The following PRKAG2 variants were observed in gnomAD, a reference collection of about 807,000 sequenced individuals.
The protein encoded by PRKAG2 is protein kinase AMP-activated non-catalytic subunit gamma 2, also known as 5'-AMP-activated protein kinase subunit gamma-2.
Under a neutral mutation model 69.6 loss-of-function variants are expected in PRKAG2, and 26 were observed. That is an observed-to-expected ratio of 0.37 (90% CI 0.27 to 0.52). The LOEUF (loss-of-function observed/expected upper bound fraction) is 0.52, where lower values mean the gene tolerates loss of function less well. Among genes scored for constraint, PRKAG2 ranks in the 20% least tolerant of loss-of-function variants. The pLI is 0.90. For missense variants in PRKAG2, 557 were observed against 740.0 expected (o/e 0.75, Z 2.87); for synonymous variants, 293 against 285.0 (o/e 1.03, Z -0.28).
At chr7:151,741,777 C>T (rs1314894240) in intron 3 of PRKAG2, among the ~76,000 whole-genome samples, 3 of 152,090 alleles carry the variant, frequency 2.0e-5, no homozygotes, top group Non-Finnish European at 4.4e-5. Context: ...CTGACGTTTC[C>T]GTGCTTGAGT....
intron 3 of PRKAG2, among the ~76,000 whole-genome samples, chr7:151,733,390 G>A (rs1799267860): frequency 1.3e-5 from 2 of 152,206 alleles, no homozygotes; most frequent in Non-Finnish European, 2.9e-5. Context: ...ACAAAACTTG[G>A]TTGAGATGTA....
intron 1 of PRKAG2, among the ~76,000 whole-genome samples, chr7:151,797,060 C>T (rs141203544): frequency 0.01 from 1,554 of 152,294 alleles, 20 homozygotes; most frequent in Admixed American, 0.022. Flanking sequence ...ACACCCGGCC[C>T]GGCCAGCCAG....
intron 1 of PRKAG2, among the ~76,000 whole-genome samples, chr7:151,862,793 G>C (rs1231098704): frequency 6.6e-6 from 1 of 152,126 alleles, no homozygotes; most frequent in Non-Finnish European, 1.5e-5. Flanking sequence ...GGGGGCACTG[G>C]TAGGTCCCTG....
chr7:151,843,821 C>T (rs571651551), intron 1 of PRKAG2, among the ~76,000 whole-genome samples: 1 of 152,224 alleles, frequency 6.6e-6, no homozygotes, highest in Non-Finnish European at 1.5e-5. Flanking sequence ...TGGTTAAGAT[C>T]GGATAGAAAT....
intron 5 of PRKAG2, among the ~76,000 whole-genome samples, chr7:151,616,152 G>C (rs1433932138): frequency 6.6e-6 from 1 of 152,228 alleles, no homozygotes; most frequent in African/African-American, 2.4e-5. Flanking sequence ...GAATGCATGT[G>C]TGCCTTGGAG....
chr7:151,715,344 AAAAATT>A lies in PRKAG2; in HGVS notation c.467-39713_467-39708del, dbSNP rs1796006000. ...AAGCAAAAAAAAAAAAAAAAAAAAA[AAAAATT>A]ATTATTATTTTTTTTGAGACAGAGT... On this transcript the variant is annotated intron_variant, in intron 3 of 15. Coordinates refer to ENST00000287878, the MANE Select transcript of PRKAG2 (RefSeq NM_016203.4). 7.5e-5 allele frequency among the ~76,000 whole-genome samples: 11 copies of A among 147,166 alleles called. No homozygotes were observed. The South Asian group carries it at 2.4e-3, about 32-fold the overall frequency.
chr7:151,676,682 A>G (rs1455601592), intron 3 of PRKAG2, among the ~76,000 whole-genome samples: 1 of 152,196 alleles, frequency 6.6e-6, no homozygotes, highest in Non-Finnish European at 1.5e-5. Context: ...GCTCGTCAAG[A>G]AGAGGTTAAA....
At chr7:151,840,722 T>C (rs188561980) in intron 1 of PRKAG2, among the ~76,000 whole-genome samples, 46 of 152,324 alleles carry the variant, frequency 3.0e-4, no homozygotes, top group Middle Eastern at 3.4e-3. Context: ...TCCAGCAGGG[T>C]GCACAGGGGC....
intron 4 of PRKAG2, among the ~76,000 whole-genome samples, chr7:151,643,219 T>C (rs1827038473): frequency 6.6e-6 from 1 of 152,216 alleles, no homozygotes; most frequent in African/African-American, 2.4e-5. Context: ...AGTATTGTCT[T>C]ATAATACATT....
intron 1 of PRKAG2, among the ~76,000 whole-genome samples, chr7:151,793,152 C>G (rs2077343997): frequency 6.6e-6 from 1 of 152,220 alleles, no homozygotes. Context: ...CCATTAGACT[C>G]AGAATAAGAT....
chr7:151,821,772 T>C (rs2078788546), intron 1 of PRKAG2, among the ~76,000 whole-genome samples: 1 of 152,208 alleles, frequency 6.6e-6, no homozygotes, highest in African/African-American at 2.4e-5. Context: ...CAGCTTTGCT[T>C]TGCCAGTGCT....
At chr7:151,652,445 T>C (rs1440407355) in intron 4 of PRKAG2, among the ~76,000 whole-genome samples, 5 of 152,234 alleles carry the variant, frequency 3.3e-5, no homozygotes, top group African/African-American at 9.6e-5. Context: ...TAATATGTAA[T>C]GAGTTTATTA....
At chr7:151,693,193 C>A (rs1860744) in intron 3 of PRKAG2, among the ~76,000 whole-genome samples, 1 of 152,052 alleles carries the variant, frequency 6.6e-6, no homozygotes, top group Non-Finnish European at 1.5e-5. Context: ...TTCTCTACAG[C>A]GGCTCTTGGC....
intron 3 of PRKAG2, among the ~76,000 whole-genome samples, chr7:151,773,091 G>GAGGGA (rs1563640774): frequency 1.1e-4 from 8 of 70,124 alleles, no homozygotes; most frequent in African/African-American, 2.0e-4. Flanking sequence ...GGGAGGGAGG[G>GAGGGA]AGGGAAGGGA....
intron 1 of PRKAG2, among the ~76,000 whole-genome samples, chr7:151,818,659 T>C (rs1175483432): frequency 1.3e-5 from 2 of 152,334 alleles, no homozygotes; most frequent in Non-Finnish European, 2.9e-5. Flanking sequence ...TCCTGCAAGA[T>C]CTGTGCAGGG....
Position 151,574,942 on chromosome 7 carries a change from T to C in PRKAG2, c.954A>G (p.Leu318=). The C allele has an allele frequency of 1.9e-6, 3 of 1,612,350 alleles. No individual in the cohort carries two copies. Among genetic ancestry groups the C allele is most frequent in the South Asian group, 1.1e-5 (1 of 90,532 alleles). The part of the protein sequence containing the change: ...ESKKQSFVGM[L]TITDFINILH... ...GTATATTTATGAAATCTGTAATTGTTAGCATTCCTGGAACAAAGAATTACA... is the reference window on the plus strand; with the variant it reads ...GTATATTTATGAAATCTGTAATTGTCAGCATTCCTGGAACAAAGAATTACA... The change falls in exon 8 of 16, where the codon CTA becomes CTG. Residue 318 remains leucine (L), a synonymous_variant. Coordinates refer to ENST00000287878, the MANE Select transcript of PRKAG2 (RefSeq NM_016203.4).
rs114123226 is a variant in PRKAG2 at position 151,713,271 on chromosome 7, C to T, written c.467-37634G>A. On this transcript the variant is annotated intron_variant, in intron 3 of 15. Transcript: ENST00000287878. ...CCCTCACACTGTCTTCTGGGAATGG[C>T]GAGAATTGTGGACTTTGTTTCCTTT... 9.2e-3 allele frequency among the ~76,000 whole-genome samples: 1,400 copies of T among 152,208 alleles called. 21 individuals carry two copies. Among genetic ancestry groups the T allele is most frequent in the African/African-American group, 0.032 (1,347 of 41,502 alleles).
At chr7:151,759,039 C>G (rs756553687) in intron 3 of PRKAG2, among the ~76,000 whole-genome samples, 1 of 152,150 alleles carries the variant, frequency 6.6e-6, no homozygotes, top group African/African-American at 2.4e-5. Flanking sequence ...GATCGACATC[C>G]GATGGCTTTC....
chr7:151,829,296 A>C (rs1327252193), intron 1 of PRKAG2, among the ~76,000 whole-genome samples: 1 of 152,242 alleles, frequency 6.6e-6, no homozygotes, highest in Admixed American at 6.5e-5. Context: ...CAGGGAAATG[A>C]AAATCAAAAC....
Sources: allele counts gnomAD v4.1 joint callset (sites outside exome capture counted in the v4.1 genomes callset), GRCh38; gene constraint gnomAD v4.1.1; transcripts MANE v1.5; gene names NCBI Gene and HGNC (gene_info 2026-07-23, HGNC 2026-07-21).